PLCXD3: variants seen among roughly 807,000 people sequenced by gnomAD.
PLCXD3 encodes the protein PI-PLC X domain-containing protein 3.
PLCXD3 carries 19 observed loss-of-function variants against 25.5 expected under a neutral mutation model. The ratio of observed to expected loss-of-function variants is 0.75; its 90% CI spans 0.52 to 1.09. The LOEUF (loss-of-function observed/expected upper bound fraction) is 1.09. PLCXD3 is among the 50% of genes least tolerant of loss of function. The pLI is 0.00. For synonymous variants in PLCXD3, 174 were observed against 137.6 expected (o/e 1.26, Z -1.85); for missense variants, 411 against 388.1 (o/e 1.06, Z -0.50).
At chr5:41,455,088 C>A (rs1747723633) in intron 1 of PLCXD3, among the ~76,000 whole-genome samples, 1 of 151,862 alleles carries the variant, frequency 6.6e-6, no homozygotes, top group South Asian at 2.1e-4. Context: ...GATTCAACCA[C>A]CTCCACCTGG....
rs756989510 is a variant in PLCXD3 at position 41,382,321 on chromosome 5, G to A, written c.317C>T (p.Pro106Leu). ...ATGAGCAAAATAGAGTTCATTGTCG[G>A]GGTCTCTGGGCTTGGTGGAAATTCG... ...DLRISTKPRD[P>L]DNELYFAHGL... Residue 106 changes from proline to leucine, a missense_variant, in exon 2 of 3, where the codon CCC becomes CTC. By Grantham distance (98) the Pro-to-Leu change is moderately conservative. Coordinates refer to ENST00000377801, the MANE Select transcript of PLCXD3 (RefSeq NM_001005473.3). 2.5e-6 allele frequency: 4 copies of A among 1,613,312 alleles called. No individual in the cohort carries two copies. The Admixed American group carries it at 6.7e-5, about 27-fold the overall frequency.
intron 1 of PLCXD3, among the ~76,000 whole-genome samples, chr5:41,506,714 C>T (rs1749058508): frequency 6.6e-6 from 1 of 152,184 alleles, no homozygotes; most frequent in South Asian, 2.1e-4. Flanking sequence ...AGACTCAGAG[C>T]TGTTTAAACA....
chr5:41,439,571 C>T (rs1487401894), intron 1 of PLCXD3, among the ~76,000 whole-genome samples: 1 of 152,042 alleles, frequency 6.6e-6, no homozygotes, highest in African/African-American at 2.4e-5. Flanking sequence ...GAATAGTCTC[C>T]AAGTTCTAAG....
Position 41,464,556 on chromosome 5 carries a change from A to G in PLCXD3, c.103+45868T>C, listed in dbSNP as rs369597705. Among the ~76,000 whole-genome samples, 14 of 152,214 alleles carry G rather than the reference A, an allele frequency of 9.2e-5. No individual in the cohort carries two copies. In the East Asian group the frequency reaches 2.3e-3, roughly 25 times the overall value. ...TGTAACAAACCTGCATATTCTGCAC[A>G]TGTATCCCAGAACTTAAAGTATAAT... On this transcript the variant is annotated intron_variant, in intron 1 of 2. Coordinates refer to ENST00000377801, the MANE Select transcript of PLCXD3 (RefSeq NM_001005473.3).
intron 1 of PLCXD3, among the ~76,000 whole-genome samples, chr5:41,437,535 C>T (rs1580373114): frequency 6.6e-6 from 1 of 152,276 alleles, no homozygotes; most frequent in Admixed American, 6.5e-5. Flanking sequence ...AGCAATGGAT[C>T]TCAGTTTTCT....
At chr5:41,372,298 TCACACACACACACACACA>T (rs71608605) in intron 2 of PLCXD3, among the ~76,000 whole-genome samples, 13 of 110,786 alleles carry the variant, frequency 1.2e-4, no homozygotes, top group East Asian at 5.0e-4. Context: ...TCTCTCTCTC[TCACACACACACACACACA>T]CACACACACA....
At chr5:41,403,401 G>GTTTGTTTGTTTTTTTT (rs1554047951) in intron 1 of PLCXD3, among the ~76,000 whole-genome samples, 6 of 18,410 alleles carry the variant, frequency 3.3e-4, no homozygotes, top group Non-Finnish European at 8.4e-4. Context: ...CTTATTTGTT[G>GTTTGTTTGTTTTTTTT]TTTTTTTTTT....
intron 1 of PLCXD3, among the ~76,000 whole-genome samples, chr5:41,461,242 TAAAAG>T (rs1747866899): frequency 6.6e-6 from 1 of 151,888 alleles, no homozygotes. Context: ...GCACTGGAAA[TAAAAG>T]GAAGAGAATC....
intron 1 of PLCXD3, among the ~76,000 whole-genome samples, chr5:41,462,967 T>G (rs1388691462): frequency 1.3e-5 from 2 of 151,770 alleles, no homozygotes; most frequent in Non-Finnish European, 2.9e-5. Flanking sequence ...GAAGAATTAA[T>G]GAAAAGTAAG....
At chr5:41,369,291 A>G (rs1441848626) in intron 2 of PLCXD3, among the ~76,000 whole-genome samples, 2 of 152,184 alleles carry the variant, frequency 1.3e-5, no homozygotes, top group African/African-American at 2.4e-5. Flanking sequence ...CAATCAACAT[A>G]TGCTGTCTGT....
chr5:41,442,456 A>G (rs527720699), intron 1 of PLCXD3, among the ~76,000 whole-genome samples: 2 of 152,330 alleles, frequency 1.3e-5, no homozygotes, highest in South Asian at 4.1e-4. Flanking sequence ...CCTGCCCCAA[A>G]CACCACATTT....
intron 2 of PLCXD3, among the ~76,000 whole-genome samples, chr5:41,363,917 A>T (rs1744857985): frequency 6.6e-6 from 1 of 152,214 alleles, no homozygotes; most frequent in African/African-American, 2.4e-5. Context: ...CCATATTTCT[A>T]AGTATTTTAT....
In PLCXD3 at chr5:41,308,552, C is replaced by T. The variant is rs1240070541; in HGVS notation, c.*5065G>A. 7.4e-6 allele frequency: 1 copy of T among 135,034 alleles called. No homozygotes were observed. Among genetic ancestry groups the T allele is most frequent in the Non-Finnish European group, 1.7e-5 (1 of 60,538 alleles). The allele number at this position is 135,034 out of a possible 1,614,324, so 8.4% of individuals were successfully genotyped here. On this transcript the variant is annotated 3_prime_UTR_variant, in exon 3 of 3. Coordinates refer to ENST00000377801, the MANE Select transcript of PLCXD3 (RefSeq NM_001005473.3). ...CTTGTCAGTCATGAGTTTTCTATTG[C>T]TAGACTAATTCTACACGTGGGGCAG...
At chr5:41,459,764 A>C (rs1034182702) in intron 1 of PLCXD3, among the ~76,000 whole-genome samples, 1 of 151,810 alleles carries the variant, frequency 6.6e-6, no homozygotes, top group Non-Finnish European at 1.5e-5. Context: ...TTCAGTCAAC[A>C]CTGTCAATCT....
intron 1 of PLCXD3, among the ~76,000 whole-genome samples, chr5:41,403,479 G>A (rs1168211980): frequency 4.8e-5 from 3 of 62,040 alleles, no homozygotes; most frequent in East Asian, 5.8e-4. Flanking sequence ...ATGTATACAT[G>A]TGCCATGCTG....
At chr5:41,337,536 G>A (rs1744019810) in intron 2 of PLCXD3, among the ~76,000 whole-genome samples, 1 of 152,138 alleles carries the variant, frequency 6.6e-6, no homozygotes, top group Non-Finnish European at 1.5e-5. Context: ...TTTTTTAAAA[G>A]CCAAATTCAG....
intron 2 of PLCXD3, among the ~76,000 whole-genome samples, chr5:41,369,931 T>C (rs1227334766): frequency 1.3e-5 from 2 of 152,224 alleles, no homozygotes; most frequent in Non-Finnish European, 2.9e-5. Flanking sequence ...ATTGGCCACA[T>C]ATCACATCCA....
chr5:41,465,551 C>T, intron 1 of PLCXD3, among the ~76,000 whole-genome samples: 1 of 151,562 alleles, frequency 6.6e-6, no homozygotes, highest in Non-Finnish European at 1.5e-5. Context: ...AATCAGAAGC[C>T]TTTCCTTGGT....
intron 1 of PLCXD3, among the ~76,000 whole-genome samples, chr5:41,454,500 A>T (rs1275846201): frequency 1.3e-5 from 2 of 151,984 alleles, no homozygotes; most frequent in African/African-American, 2.4e-5. Flanking sequence ...ATTCTTGTGG[A>T]CAGAGCCCTA....
Sources: gnomAD v4.1 joint callset for allele counts (sites outside exome capture counted in the v4.1 genomes callset) on GRCh38, gnomAD v4.1.1 for gene constraint, MANE v1.5 for transcripts, NCBI Gene and HGNC (gene_info 2026-07-23, HGNC 2026-07-21) for gene names.